EPHA3: variants seen among roughly 807,000 people sequenced by gnomAD.
EPHA3 encodes the protein EPH receptor A3, also known as ephrin type-A receptor 3.
A neutral mutation model predicts 107.1 loss-of-function variants in EPHA3; 42 were observed. The ratio of observed to expected loss-of-function variants is 0.39; its 90% CI spans 0.31 to 0.51. The LOEUF is 0.51. EPHA3 is among the 20% of genes least tolerant of loss of function. EPHA3 has a pLI of 0.78. For synonymous variants in EPHA3, 461 were observed against 424.8 expected (o/e 1.09, Z -1.05); for missense variants, 1,183 against 1,211.2 (o/e 0.98, Z 0.35).
intron 3 of EPHA3, among the ~76,000 whole-genome samples, chr3:89,230,824 TCA>T (rs61566796): frequency 0.17 from 23,880 of 138,654 alleles, 2,475 homozygotes; most frequent in African/African-American, 0.32. Flanking sequence ...TCTCTCTCTC[TCA>T]CACACACACA....
intron 2 of EPHA3, among the ~76,000 whole-genome samples, chr3:89,179,617 G>A (rs1284654990): frequency 1.3e-5 from 2 of 149,984 alleles, no homozygotes; most frequent in Non-Finnish European, 3.0e-5. Context: ...CAGCCTTTGA[G>A]CCCAATGCTA....
At chr3:89,459,479 C>T (rs1576390101) in intron 15 of EPHA3, among the ~76,000 whole-genome samples, 1 of 144,408 alleles carries the variant, frequency 6.9e-6, no homozygotes, top group East Asian at 2.0e-4. Context: ...CCTTCCTTCT[C>T]TCCTTCCTTC....
chr3:89,166,586 A>G (rs1576198446), intron 2 of EPHA3, among the ~76,000 whole-genome samples: 1 of 152,226 alleles, frequency 6.6e-6, no homozygotes, highest in Non-Finnish European at 1.5e-5. Context: ...ATGAAGACAA[A>G]TCAATTATCT....
rs112136170 is a variant in EPHA3 at position 89,209,687 on chromosome 3, A to C, written c.154-173A>C. 6.1e-3 allele frequency among the ~76,000 whole-genome samples: 931 copies of C among 152,294 alleles called. 10 individuals are homozygous for C. The highest frequency in any genetic ancestry group is 0.021 in the African/African-American group (888 of 41,560). Reference sequence around the variant, plus strand: ...ATTGAAATGTGTTCATCAAAATTATAAATTACTTTATGTCCATTAACTCAG... The same window carrying C: ...ATTGAAATGTGTTCATCAAAATTATCAATTACTTTATGTCCATTAACTCAG... On this transcript the variant is annotated intron_variant, in intron 2 of 16. Transcript: ENST00000336596.
chr3:89,222,349 A>ATATG (rs1553667501), intron 3 of EPHA3, among the ~76,000 whole-genome samples: 2 of 131,642 alleles, frequency 1.5e-5, no homozygotes, highest in African/African-American at 5.9e-5. Flanking sequence ...ATATATATAT[A>ATATG]TATATGTATA....
chr3:89,317,825 A>C (rs1706944878), intron 3 of EPHA3, among the ~76,000 whole-genome samples: 1 of 151,902 alleles, frequency 6.6e-6, no homozygotes, highest in Non-Finnish European at 1.5e-5. Context: ...AATAATTCAA[A>C]GAAATGAGGT....
rs71621546 is a variant in EPHA3 at position 89,383,639 on chromosome 3, CT to C, written c.1307-12171del. 9.9e-3 allele frequency among the ~76,000 whole-genome samples: 873 copies of C among 87,926 alleles called. 3 individuals are homozygous for C. Among genetic ancestry groups the C allele is most frequent in the African/African-American group, 0.031 (717 of 23,314 alleles). The allele number at this position is 87,926 out of a possible 152,430, so 57.7% of individuals were successfully genotyped here. A position where few individuals can be genotyped will look rare whatever the true frequency, so the allele number is the denominator to read the frequency against. Reference sequence around the variant, plus strand: ...CAGTGTGGTCAGCCTACTTCTTCTTCTTTTTTTTTTTTTTTTTTTTTTTTTT... The same window carrying C: ...CAGTGTGGTCAGCCTACTTCTTCTTCTTTTTTTTTTTTTTTTTTTTTTTTT... On this transcript the variant is annotated intron_variant, in intron 5 of 16. Coordinates refer to ENST00000336596, the MANE Select transcript of EPHA3 (RefSeq NM_005233.6).
At chr3:89,442,442 G>T (rs986639782) in intron 13 of EPHA3, among the ~76,000 whole-genome samples, 3 of 152,146 alleles carry the variant, frequency 2.0e-5, no homozygotes, top group Non-Finnish European at 2.9e-5. Flanking sequence ...TCGCAAATGG[G>T]GATGATTTTG....
intron 3 of EPHA3, among the ~76,000 whole-genome samples, chr3:89,238,052 C>A (rs1704814883): frequency 6.6e-6 from 1 of 151,648 alleles, no homozygotes; most frequent in South Asian, 2.1e-4. Flanking sequence ...TCAATTGGCT[C>A]TCAGTATATT....
At chr3:89,309,743 A>G (rs1418642354) in intron 3 of EPHA3, among the ~76,000 whole-genome samples, 1 of 152,068 alleles carries the variant, frequency 6.6e-6, no homozygotes, top group Non-Finnish European at 1.5e-5. Flanking sequence ...GTCAATAGTA[A>G]TATGTCGAAT....
intron 2 of EPHA3, among the ~76,000 whole-genome samples, chr3:89,202,515 C>CAAA (rs375753577): frequency 2.3e-4 from 27 of 116,880 alleles, no homozygotes; most frequent in African/African-American, 6.9e-4. Context: ...GACTCTGTCT[C>CAAA]AAAAAAAAAA....
rs561390644 is a variant in EPHA3 at position 89,120,841 on chromosome 3, A to G, written c.89-6368A>G. ...CCAGGAGAAAAAGCTAATGAGAAAG[A>G]ATAAGTTAAGTGCAGAAATCTTCTT... On this transcript the variant is annotated intron_variant, in intron 1 of 16. Transcript: ENST00000336596. Among the ~76,000 whole-genome samples the G allele has an allele frequency of 1.2e-3, 176 of 152,342 alleles. 2 individuals are homozygous for G. Among genetic ancestry groups the G allele is most frequent in the African/African-American group, 4.0e-3 (165 of 41,578 alleles).
chr3:89,219,686 A>ATTTTTTT (rs1704304456), intron 3 of EPHA3, among the ~76,000 whole-genome samples: 2 of 38,812 alleles, frequency 5.2e-5, no homozygotes, highest in Non-Finnish European at 1.3e-4. Flanking sequence ...GCATTTGGCA[A>ATTTTTTT]TGTTTTTTTT....
intron 5 of EPHA3, among the ~76,000 whole-genome samples, chr3:89,361,711 C>A (rs866513182): frequency 2.0e-5 from 3 of 151,122 alleles, no homozygotes; most frequent in African/African-American, 7.2e-5. Context: ...CCTCAACAGA[C>A]CTGCCTCACT....
At chr3:89,398,586 T>TAA (rs534273879) in intron 6 of EPHA3, among the ~76,000 whole-genome samples, 35 of 152,084 alleles carry the variant, frequency 2.3e-4, no homozygotes, top group African/African-American at 8.2e-4. Context: ...TTAAGGTTGA[T>TAA]AAAAAAAAGT....
chr3:89,341,212 T>TC (rs1265925688), intron 4 of EPHA3, 141 bp downstream of exon 4: 10 of 848,624 alleles, frequency 1.2e-5, no homozygotes, highest in Middle Eastern at 2.3e-4. Context: ...TCTGCTTCAC[T>TC]CCCCATGCTT....
rs532281760 is a variant in EPHA3, at chr3:89,253,111, A to G, written c.814+42591A>G. ...TGGTTAAAAGAGTTCTGCAAATGAT[A>G]CTTCTGATCCCAGCAGGAGTTATAG... On this transcript the variant is annotated intron_variant, in intron 3 of 16. Transcript: ENST00000336596. 7.9e-5 allele frequency among the ~76,000 whole-genome samples: 12 copies of G among 152,152 alleles called. No individual in the cohort carries two copies. The South Asian group carries it at 1.0e-3, about 13-fold the overall frequency.
chr3:89,298,428 C>T (rs1172980116), intron 3 of EPHA3, among the ~76,000 whole-genome samples: 1 of 152,162 alleles, frequency 6.6e-6, no homozygotes, highest in African/African-American at 2.4e-5. Context: ...ATTCTTACAG[C>T]AGTAAAATAT....
intron 2 of EPHA3, among the ~76,000 whole-genome samples, chr3:89,198,761 C>G (rs1426965535): frequency 6.6e-6 from 1 of 152,168 alleles, no homozygotes; most frequent in South Asian, 2.1e-4. Flanking sequence ...TTGTAAATTG[C>G]TATGAATTAC....
Sources: gnomAD v4.1 joint callset for allele counts (sites outside exome capture counted in the v4.1 genomes callset) on GRCh38, gnomAD v4.1.1 for gene constraint, MANE v1.5 for transcripts, NCBI Gene and HGNC (gene_info 2026-07-23, HGNC 2026-07-21) for gene names.